USP34: variants seen among roughly 807,000 people sequenced by gnomAD.
USP34 encodes ubiquitin carboxyl-terminal hydrolase 34.
In USP34, 70 loss-of-function variants were observed where a neutral mutation model predicts 460.3. The ratio of observed to expected loss-of-function variants is 0.15; its 90% confidence interval spans 0.13 to 0.19. USP34 has a LOEUF of 0.19. USP34 is among the 10% of genes least tolerant of loss of function. The pLI, the probability that USP34 is intolerant of heterozygous loss-of-function variation, is 1.00. For missense variants in USP34, 3,985 were observed against 4,236.2 expected (o/e 0.94, Z 1.65); for synonymous variants, 1,647 against 1,405.3 (o/e 1.17, Z -3.85).
chr2:61,393,299 C>T (rs1217440425), intron 5 of USP34, among the ~76,000 whole-genome samples: 2 of 151,950 alleles, frequency 1.3e-5, no homozygotes, highest in Middle Eastern at 3.2e-3. Context: ...GGCATGGTGG[C>T]ATACGCCTGT....
At chr2:61,376,449 GTTTTCAC>G (rs1040646722) in intron 8 of USP34, among the ~76,000 whole-genome samples, 3 of 152,092 alleles carry the variant, frequency 2.0e-5, no homozygotes, top group African/African-American at 7.2e-5. Flanking sequence ...CCCATTCACT[GTTTTCAC>G]ACAACACCTA....
At position 61,257,101 on chromosome 2, in the gene USP34, G is replaced by A; in HGVS notation, c.5999C>T (p.Thr2000Ile). 10 of 1,581,324 alleles carry A rather than the reference G, an allele frequency of 6.3e-6. No homozygotes were observed. The highest frequency in any genetic ancestry group is 2.2e-5 in the East Asian group (1 of 44,572). ...TACACCTCCAAATAAACTTTTGACG[G>A]TATTTTTCTTTAATATAAAACAAAC... ...IEEMSPELKN[T>I]VKSLFGGVIT... The change falls in exon 46 of 80, where the codon ACC (threonine) becomes ATC (isoleucine). Residue 2000 changes from threonine (T) to isoleucine (I), a missense_variant. By Grantham distance (89) the Thr-to-Ile change is moderately conservative. Coordinates refer to ENST00000398571, the MANE Select transcript of USP34 (RefSeq NM_014709.4).
At chr2:61,268,214 T>C (rs1689110335) in intron 41 of USP34, among the ~76,000 whole-genome samples, 1 of 152,092 alleles carries the variant, frequency 6.6e-6, no homozygotes, top group South Asian at 2.1e-4. Flanking sequence ...TGTCTTAGTC[T>C]GTTTAGGCTG....
intron 1 of USP34, among the ~76,000 whole-genome samples, chr2:61,464,701 G>C (rs559583615): frequency 2.2e-4 from 28 of 128,572 alleles, no homozygotes; most frequent in Non-Finnish European, 3.3e-4. Flanking sequence ...CTGGGCGAAA[G>C]AGCGAGACTC....
intron 51 of USP34, among the ~76,000 whole-genome samples, chr2:61,243,567 T>C (rs1252431092): frequency 2.0e-5 from 3 of 151,680 alleles, no homozygotes; most frequent in East Asian, 1.9e-4. Flanking sequence ...CATTTTTTTT[T>C]TTTTTTTTTT....
In USP34 at chr2:61,187,975, A is replaced by G; in HGVS notation, c.*127T>C. ...GCCTGACCAAGAATTAAGCCTATAA[A>G]TCTATCTTGCCATTCAAGCAGAGAG... On this transcript the variant is annotated 3_prime_UTR_variant, in exon 80 of 80. Transcript: ENST00000398571. 6.8e-7 allele frequency: 1 copy of G among 1,461,808 alleles called. No homozygotes were observed. The highest frequency in any genetic ancestry group is 1.5e-5 in the South Asian group (1 of 65,612). 90.6% of individuals were successfully genotyped at this position (1,461,808 alleles called of 1,614,324 possible).
chr2:61,205,114 C>T (rs747578841), intron 72 of USP34, among the ~76,000 whole-genome samples: 9 of 152,120 alleles, frequency 5.9e-5, no homozygotes, highest in Non-Finnish European at 1.0e-4. Context: ...CCTGCCTAGA[C>T]CTCCCGAACT....
chr2:61,435,195 C>G (rs1448826996), intron 1 of USP34, among the ~76,000 whole-genome samples: 2 of 149,514 alleles, frequency 1.3e-5, no homozygotes, highest in African/African-American at 4.9e-5. Flanking sequence ...GTCCCAGCTA[C>G]TCAGAGGCTG....
At chr2:61,265,023 C>G (rs1272296138) in intron 43 of USP34, among the ~76,000 whole-genome samples, 2 of 152,180 alleles carry the variant, frequency 1.3e-5, no homozygotes, top group Admixed American at 1.3e-4. Context: ...TCTGGTAATA[C>G]TTCTCTACTT....
rs572276125 is a variant in USP34 at position 61,413,862 on chromosome 2, C to T, written c.131+6884G>A. ...AGGAGAATTGCCTGAACCTGGAAGG[C>T]GGAGGCTGCAGTGAGCCAAGATCGC... On this transcript the variant is annotated intron_variant, in intron 2 of 79. Coordinates refer to ENST00000398571, the MANE Select transcript of USP34 (RefSeq NM_014709.4). 7.4e-5 allele frequency among the ~76,000 whole-genome samples: 11 copies of T among 149,100 alleles called. No homozygotes were observed. The East Asian group carries it at 1.4e-3, about 19-fold the overall frequency.
At chr2:61,338,336 T>C (rs545106836) in intron 18 of USP34, among the ~76,000 whole-genome samples, 3 of 152,244 alleles carry the variant, frequency 2.0e-5, no homozygotes, top group South Asian at 2.1e-4. Flanking sequence ...AAACAAAGAA[T>C]GAATACCAAA....
intron 8 of USP34, among the ~76,000 whole-genome samples, chr2:61,375,682 T>C (rs890059164): frequency 7.0e-6 from 1 of 142,562 alleles, no homozygotes; most frequent in Admixed American, 7.6e-5. Flanking sequence ...AGCAGGAGAA[T>C]GGCGTGAATC....
At chr2:61,228,151 T>C (rs1308075875) in intron 61 of USP34, among the ~76,000 whole-genome samples, 2 of 152,212 alleles carry the variant, frequency 1.3e-5, no homozygotes. Flanking sequence ...TAAATGGAGA[T>C]ATAAAGGGTA....
intron 1 of USP34, among the ~76,000 whole-genome samples, chr2:61,459,514 C>T (rs748496653): frequency 4.6e-5 from 7 of 152,178 alleles, no homozygotes; most frequent in Non-Finnish European, 1.0e-4. Flanking sequence ...GTGGCTCACA[C>T]CCATAATCCT....
chr2:61,275,435 A>C lies in USP34; in HGVS notation c.5433+2730T>G, dbSNP rs148045966. ...AGTTTAAGAACAGCCTGGGCAACAC[A>C]GCAAAACCCCATCTCTACAAAAATA... On this transcript the variant is annotated intron_variant, in intron 41 of 79. Coordinates refer to ENST00000398571, the MANE Select transcript of USP34 (RefSeq NM_014709.4). 6.3e-3 allele frequency among the ~76,000 whole-genome samples: 956 copies of C among 152,232 alleles called. 9 individuals are homozygous for C. The highest frequency in any genetic ancestry group is 0.022 in the African/African-American group (898 of 41,542).
chr2:61,220,519 ACTTT>A, intron 66 of USP34, 62 bp from the exon 67 acceptor site: 2 of 1,465,800 alleles, frequency 1.4e-6, no homozygotes, highest in Non-Finnish European at 1.8e-6. Flanking sequence ...ACTTTTACTT[ACTTT>A]TTGTATATGC....
intron 50 of USP34, among the ~76,000 whole-genome samples, chr2:61,246,086 A>G (rs1558488480): frequency 6.6e-6 from 1 of 152,246 alleles, no homozygotes; most frequent in East Asian, 1.9e-4. Context: ...TAAATCTCCT[A>G]AAGTTGTCTG....
chr2:61,269,524 ATT>A (rs1373273434), intron 41 of USP34, among the ~76,000 whole-genome samples: 1 of 152,042 alleles, frequency 6.6e-6, no homozygotes, highest in African/African-American at 2.4e-5. Context: ...GAGGACCATA[ATT>A]TTGTCTTTGA....
intron 20 of USP34, among the ~76,000 whole-genome samples, chr2:61,327,934 T>A (rs1344294139): frequency 6.6e-6 from 1 of 152,126 alleles, no homozygotes; most frequent in East Asian, 1.9e-4. Context: ...AAAGAAAATC[T>A]CTTTGTAGCC....
Sources: gnomAD v4.1 joint callset for allele counts (sites outside exome capture counted in the v4.1 genomes callset) on GRCh38, gnomAD v4.1.1 for gene constraint, MANE v1.5 for transcripts, NCBI Gene and HGNC (gene_info 2026-07-23, HGNC 2026-07-21) for gene names.